Variants in NRXN1 observed in about 807,000 individuals in gnomAD.
NRXN1 encodes neurexin 1.
NRXN1 carries 39 observed loss-of-function variants against 150.9 expected under a neutral mutation model. That is an observed-to-expected ratio of 0.26 (90% CI 0.20 to 0.34). The LOEUF (loss-of-function observed/expected upper bound fraction) is 0.34, where lower values mean the gene tolerates loss of function less well. Among genes scored for constraint, NRXN1 ranks in the 10% least tolerant of loss-of-function variants. The probability of loss-of-function intolerance (pLI) is 1.00; values close to 1 mark genes in which losing one functional copy is unlikely to be tolerated. For missense variants in NRXN1, 1,815 were observed against 1,949.9 expected (o/e 0.93, Z 1.30); for synonymous variants, 924 against 757.0 (o/e 1.22, Z -3.62).
intron 8 of NRXN1, among the ~76,000 whole-genome samples, chr2:50,611,648 A>T (rs183859028): frequency 6.8e-4 from 103 of 152,314 alleles, no homozygotes; most frequent in Non-Finnish European, 2.9e-5. Context: ...TACTTTAGAA[A>T]ATCTAAAAAT....
At chr2:50,133,115 T>G (rs1705797611) in intron 18 of NRXN1, among the ~76,000 whole-genome samples, 1 of 152,128 alleles carries the variant, frequency 6.6e-6, no homozygotes, top group Non-Finnish European at 1.5e-5. Context: ...AATTTAGTAG[T>G]CAGGTGTCAG....
intron 6 of NRXN1, among the ~76,000 whole-genome samples, chr2:50,622,485 T>C (rs1257370913): frequency 6.6e-6 from 1 of 152,172 alleles, no homozygotes; most frequent in African/African-American, 2.4e-5. Context: ...AACAAAATGA[T>C]ACACTGTAAT....
At chr2:50,180,741 G>A (rs1008913872) in intron 18 of NRXN1, among the ~76,000 whole-genome samples, 5 of 152,092 alleles carry the variant, frequency 3.3e-5, no homozygotes, top group East Asian at 3.9e-4. Context: ...GACCCATGAG[G>A]AAAATAATTC....
intron 8 of NRXN1, among the ~76,000 whole-genome samples, chr2:50,573,418 G>A (rs1670948042): frequency 6.6e-6 from 1 of 151,830 alleles, no homozygotes; most frequent in Non-Finnish European, 1.5e-5. Flanking sequence ...CTAGGTCTCA[G>A]ATGAAGGACC....
chr2:50,363,242 G>T (rs1302615336), intron 17 of NRXN1, among the ~76,000 whole-genome samples: 1 of 152,098 alleles, frequency 6.6e-6, no homozygotes, highest in Non-Finnish European at 1.5e-5. Flanking sequence ...TTGACAAATG[G>T]GTTCTGATTA....
chr2:50,039,621 A>T (rs2152575591), intron 21 of NRXN1, among the ~76,000 whole-genome samples: 1 of 152,304 alleles, frequency 6.6e-6, no homozygotes, highest in Admixed American at 6.5e-5. Context: ...TCTCAACCTG[A>T]CAAGCAGTCC....
intron 9 of NRXN1, among the ~76,000 whole-genome samples, chr2:50,540,804 G>GGTGT (rs1447784005): frequency 2.6e-5 from 4 of 152,066 alleles, no homozygotes; most frequent in Admixed American, 2.6e-4. Flanking sequence ...TGGGATTACA[G>GGTGT]GTGTACGCCA....
chr2:50,486,083 C>A (rs987742476), intron 15 of NRXN1, among the ~76,000 whole-genome samples: 2 of 152,068 alleles, frequency 1.3e-5, no homozygotes, highest in Admixed American at 6.6e-5. Flanking sequence ...TAAATCAGTA[C>A]GTGGTACAAA....
intron 18 of NRXN1, among the ~76,000 whole-genome samples, chr2:50,190,644 C>T (rs2061385685): frequency 7.1e-6 from 1 of 140,814 alleles, no homozygotes; most frequent in African/African-American, 2.6e-5. Context: ...CAGAGTTTCA[C>T]TCTTGTTGCC....
At chr2:49,932,593 A>G (rs35373906) in intron 22 of NRXN1, among the ~76,000 whole-genome samples, 33,381 of 151,992 alleles carry the variant, frequency 0.22, 3,905 homozygotes, top group East Asian at 0.3. Context: ...ACTTGGGGGT[A>G]AACTTACTTA....
chr2:50,720,797 A>G (rs1696538918), intron 5 of NRXN1, among the ~76,000 whole-genome samples: 1 of 152,122 alleles, frequency 6.6e-6, no homozygotes, highest in Admixed American at 6.5e-5. Flanking sequence ...ATGCACGGAA[A>G]GCTCCCAGGT....
At chr2:50,103,016 C>T (rs1299475636) in intron 18 of NRXN1, among the ~76,000 whole-genome samples, 1 of 151,998 alleles carries the variant, frequency 6.6e-6, no homozygotes, top group Non-Finnish European at 1.5e-5. Flanking sequence ...ATTTTCCAAT[C>T]AGAGAACAGA....
intron 18 of NRXN1, among the ~76,000 whole-genome samples, chr2:50,131,945 A>G (rs1705568962): frequency 6.6e-6 from 1 of 152,006 alleles, no homozygotes; most frequent in African/African-American, 2.4e-5. Flanking sequence ...AAAAAAAGTT[A>G]TTTTTGTTGT....
At chr2:50,611,192 C>T (rs1176870200) in intron 8 of NRXN1, among the ~76,000 whole-genome samples, 1 of 152,034 alleles carries the variant, frequency 6.6e-6, no homozygotes, top group African/African-American at 2.4e-5. Context: ...TTCATTGCTG[C>T]TTTCTACTGG....
intron 2 of NRXN1, among the ~76,000 whole-genome samples, chr2:50,970,228 G>C (rs896711128): frequency 6.6e-6 from 1 of 152,088 alleles, no homozygotes; most frequent in African/African-American, 2.4e-5. Flanking sequence ...GACCTGCCTT[G>C]GGGAAGAGGG....
intron 16 of NRXN1, 54 bp downstream of exon 16, chr2:50,472,244 A>G: frequency 7.0e-7 from 1 of 1,431,140 alleles, no homozygotes; most frequent in South Asian, 1.6e-5. Flanking sequence ...ATTCACTCTC[A>G]GTTAGACAGG....
At chr2:50,556,294 ATTTTTGCTTC>A (rs1212131380) in intron 8 of NRXN1, among the ~76,000 whole-genome samples, 1 of 152,128 alleles carries the variant, frequency 6.6e-6, no homozygotes, top group East Asian at 1.9e-4. Context: ...TGTGTAAGCT[ATTTTTGCTTC>A]TTTCTGAAAC....
chr2:50,662,454 T>C (rs980279056), intron 5 of NRXN1, among the ~76,000 whole-genome samples: 3 of 152,036 alleles, frequency 2.0e-5, no homozygotes, highest in African/African-American at 7.2e-5. Context: ...TCTTCTCTAA[T>C]TAATATATTA....
chr2:50,894,889 G>A (rs1017376745), intron 5 of NRXN1, among the ~76,000 whole-genome samples: 6 of 152,020 alleles, frequency 3.9e-5, no homozygotes, highest in African/African-American at 1.4e-4. Flanking sequence ...TGTTTGACTA[G>A]GCAACAAAAA....
Sources: gnomAD v4.1 joint callset for allele counts (sites outside exome capture counted in the v4.1 genomes callset) on GRCh38, gnomAD v4.1.1 for gene constraint, MANE v1.5 for transcripts, NCBI Gene and HGNC (gene_info 2026-07-23, HGNC 2026-07-21) for gene names.